Variants in PLXNA4 observed in about 807,000 individuals in gnomAD.
The protein encoded by PLXNA4 is plexin-A4.
A neutral mutation model predicts 191.8 loss-of-function variants in PLXNA4; 44 were observed. The observed-to-expected ratio is 0.23, with a 90% CI of 0.18 to 0.29. PLXNA4 has a LOEUF of 0.29. PLXNA4 is among the 10% of genes least tolerant of loss of function. The probability of loss-of-function intolerance (pLI) is 1.00; values close to 1 mark genes in which losing one functional copy is unlikely to be tolerated. For synonymous variants in PLXNA4, 1,082 were observed against 1,009.5 expected (o/e 1.07, Z -1.36); for missense variants, 1,800 against 2,488.8 (o/e 0.72, Z 5.89).
chr7:132,493,091 C>T (rs111592223), intron 2 of PLXNA4, among the ~76,000 whole-genome samples: 1 of 152,126 alleles, frequency 6.6e-6, no homozygotes, highest in South Asian at 2.1e-4. Flanking sequence ...TGCCTGGGCC[C>T]GGGAAGGTGA....
At chr7:132,561,940 T>C (rs1438828624) in intron 1 of PLXNA4, among the ~76,000 whole-genome samples, 2 of 100,304 alleles carry the variant, frequency 2.0e-5, no homozygotes, top group African/African-American at 3.9e-5. Context: ...TCCTCCTCCT[T>C]ACCCTCCTCT....
intron 1 of PLXNA4, among the ~76,000 whole-genome samples, chr7:132,573,159 G>T (rs960666654): frequency 1.3e-5 from 2 of 152,090 alleles, no homozygotes; most frequent in African/African-American, 4.8e-5. Flanking sequence ...ATAGCCCAGG[G>T]TCTGAGCCAG....
intron 5 of PLXNA4, among the ~76,000 whole-genome samples, chr7:132,232,070 A>G (rs188753191): frequency 7.2e-4 from 109 of 152,306 alleles, no homozygotes; most frequent in Non-Finnish European, 1.3e-3. Flanking sequence ...CGAGGCACGA[A>G]TTCCTGCTGG....
chr7:132,549,016 A>G (rs1800435314), intron 1 of PLXNA4, among the ~76,000 whole-genome samples: 1 of 152,158 alleles, frequency 6.6e-6, no homozygotes, highest in Non-Finnish European at 1.5e-5. Context: ...TATATGGTCT[A>G]AAAAATGGAG....
chr7:132,576,511 A>G, upstream of PLXNA4: 2 of 982,858 alleles, frequency 2.0e-6, no homozygotes, highest in Non-Finnish European at 2.4e-6. The surrounding 1 kb of genome is among the most constrained non-coding windows in gnomAD (Gnocchi z 5.8). Flanking sequence ...CCTCCTCTGA[A>G]CGTGTGCGTG....
chr7:132,309,070 C>A (rs1801629914), intron 3 of PLXNA4, among the ~76,000 whole-genome samples: 1 of 152,236 alleles, frequency 6.6e-6, no homozygotes, highest in East Asian at 1.9e-4. Flanking sequence ...AGTCTGTGCT[C>A]TTTAGCATGA....
chr7:132,177,150 CATGT>C (rs58850760), intron 20 of PLXNA4, among the ~76,000 whole-genome samples: 4,039 of 147,722 alleles, frequency 0.027, 82 homozygotes, highest in South Asian at 0.053. Context: ...TATGTGTGGG[CATGT>C]ATGTGTGAGT....
intron 2 of PLXNA4, among the ~76,000 whole-genome samples, chr7:132,610,302 T>C (rs1803020738): frequency 6.6e-6 from 1 of 152,128 alleles, no homozygotes; most frequent in Non-Finnish European, 1.5e-5. Context: ...CCTCAATTTC[T>C]CCACCAGAGC....
intron 3 of PLXNA4, among the ~76,000 whole-genome samples, chr7:132,470,991 C>T (rs1264764734): frequency 6.6e-6 from 1 of 152,132 alleles, no homozygotes; most frequent in Non-Finnish European, 1.5e-5. Context: ...GAATTGTAAT[C>T]CTCAGTATTG....
intron 9 of PLXNA4, among the ~76,000 whole-genome samples, chr7:132,219,811 T>C (rs547716312): frequency 6.6e-6 from 1 of 152,354 alleles, no homozygotes; most frequent in Non-Finnish European, 1.5e-5. Context: ...TTTTTCTATG[T>C]TCAGATGTGT....
chr7:132,219,164 C>T (rs1173082231), intron 9 of PLXNA4, among the ~76,000 whole-genome samples: 2 of 152,144 alleles, frequency 1.3e-5, no homozygotes, highest in African/African-American at 4.8e-5. Flanking sequence ...GAAATGAAAA[C>T]CCCAGAGATT....
chr7:132,246,464 C>T (rs1364352683), intron 4 of PLXNA4, among the ~76,000 whole-genome samples: 1 of 152,126 alleles, frequency 6.6e-6, no homozygotes, highest in African/African-American at 2.4e-5. Context: ...TCACCCATTC[C>T]AAAAGGCCTA....
chr7:132,197,992 T>C (rs1268096558), intron 13 of PLXNA4, among the ~76,000 whole-genome samples: 2 of 152,078 alleles, frequency 1.3e-5, no homozygotes, highest in Non-Finnish European at 2.9e-5. Context: ...CAGGTCAAGG[T>C]CTTTTGCTGA....
At chr7:132,167,482 G>A (rs951750542) in intron 22 of PLXNA4, among the ~76,000 whole-genome samples, 4 of 152,024 alleles carry the variant, frequency 2.6e-5, no homozygotes, top group African/African-American at 9.7e-5. Flanking sequence ...CTAAAATGCA[G>A]GTTCTGATTC....
chr7:132,376,090 C>T (rs555464216), intron 3 of PLXNA4, among the ~76,000 whole-genome samples: 36 of 152,240 alleles, frequency 2.4e-4, no homozygotes, highest in South Asian at 8.3e-4. Context: ...TAGCATCTGC[C>T]CCATGGTGTT....
chr7:132,474,621 TACACACACACACACACGCGCGCGCACGC>T (rs1797056598), intron 3 of PLXNA4, among the ~76,000 whole-genome samples: 1 of 146,740 alleles, frequency 6.8e-6, no homozygotes, highest in Admixed American at 6.8e-5. Context: ...TGAGCACATG[TACACACACACACACACGCGCGCGCACGC>T]ACACACACAC....
intron 3 of PLXNA4, among the ~76,000 whole-genome samples, chr7:132,362,411 T>C (rs1404357801): frequency 1.3e-5 from 2 of 152,238 alleles, no homozygotes; most frequent in African/African-American, 2.4e-5. Flanking sequence ...ACGCTTTCTA[T>C]GCATCTTCAA....
intron 1 of PLXNA4, among the ~76,000 whole-genome samples, chr7:132,564,030 C>T (rs1387038551): frequency 2.0e-4 from 2 of 10,022 alleles, no homozygotes; most frequent in Admixed American, 1.4e-3. Context: ...TTCTCCTCCT[C>T]CTTCTCCTCC....
At chr7:132,189,403 G>A (rs1797018377) in intron 14 of PLXNA4, among the ~76,000 whole-genome samples, 1 of 152,138 alleles carries the variant, frequency 6.6e-6, no homozygotes, top group Admixed American at 6.5e-5. Context: ...GGAGGTAGAG[G>A]GAAGGGGGAA....
Sources: allele counts gnomAD v4.1 joint callset (sites outside exome capture counted in the v4.1 genomes callset), GRCh38; gene constraint gnomAD v4.1.1; non-coding constraint Gnocchi (gnomAD v3.1); transcripts MANE v1.5; gene names NCBI Gene and HGNC (gene_info 2026-07-23, HGNC 2026-07-21).